The following NGEF variants were observed in gnomAD, a reference collection of about 807,000 sequenced individuals.
NGEF encodes the protein ephexin-1.
Under a neutral mutation model 80.9 loss-of-function variants are expected in NGEF, and 31 were observed. That is an observed-to-expected ratio of 0.38 (90% CI 0.29 to 0.52). The LOEUF is 0.52. NGEF is among the 20% of genes least tolerant of loss of function. The probability of loss-of-function intolerance (pLI) is 0.84; values close to 1 mark genes in which losing one functional copy is unlikely to be tolerated. For synonymous variants in NGEF, 371 were observed against 370.2 expected (o/e 1.00, Z -0.03); for missense variants, 709 against 926.2 (o/e 0.77, Z 3.04).
intron 1 of NGEF, among the ~76,000 whole-genome samples, chr2:232,981,243 G>A (rs992101961): frequency 6.2e-5 from 8 of 129,982 alleles, no homozygotes; most frequent in Non-Finnish European, 1.2e-4. Flanking sequence ...TAACCTTTAA[G>A]CTGTCCTTGT....
At chr2:232,942,098 C>T (rs946639615) in intron 3 of NGEF, among the ~76,000 whole-genome samples, 5 of 152,212 alleles carry the variant, frequency 3.3e-5, no homozygotes, top group African/African-American at 1.2e-4. Flanking sequence ...ACCACAAGCC[C>T]TTCCCTGCCC....
At chr2:232,917,482 T>TC (rs1179403309) in intron 5 of NGEF, among the ~76,000 whole-genome samples, 5 of 151,976 alleles carry the variant, frequency 3.3e-5, no homozygotes, top group Non-Finnish European at 7.4e-5. Context: ...CTTTTTTTTT[T>TC]TTTCTGAGAT....
At chr2:232,902,339 C>T (rs758207252) in intron 5 of NGEF, among the ~76,000 whole-genome samples, 10 of 152,212 alleles carry the variant, frequency 6.6e-5, no homozygotes, top group Non-Finnish European at 1.5e-4. Flanking sequence ...AGCCAGAGCC[C>T]GAGCCCAGCC....
At chr2:232,998,296 C>A (rs1009871179) in intron 1 of NGEF, among the ~76,000 whole-genome samples, 5 of 152,176 alleles carry the variant, frequency 3.3e-5, no homozygotes, top group African/African-American at 1.2e-4. Flanking sequence ...CAGGATCACA[C>A]AGCTGGTAAG....
chr2:233,001,840 C>T (rs1403854578), intron 1 of NGEF, among the ~76,000 whole-genome samples: 1 of 152,078 alleles, frequency 6.6e-6, no homozygotes, highest in Non-Finnish European at 1.5e-5. Context: ...CATGGTGAAA[C>T]CCTGTCTCTA....
chr2:232,993,155 A>ATAAATATATATATTTATT (rs1694692944), intron 1 of NGEF, among the ~76,000 whole-genome samples: 4 of 32,372 alleles, frequency 1.2e-4, no homozygotes, highest in South Asian at 1.9e-3. Context: ...ATATGGGCAA[A>ATAAATATATATATTTATT]TATATATATA....
At chr2:232,969,133 A>G (rs1322426097) in intron 3 of NGEF, among the ~76,000 whole-genome samples, 1 of 152,256 alleles carries the variant, frequency 6.6e-6, no homozygotes, top group Non-Finnish European at 1.5e-5. Flanking sequence ...ATAGGAGCAT[A>G]ATTAATAAAT....
rs540241052 is a variant in NGEF at position 232,887,212 on chromosome 2, C to T, written c.1347+821G>A. ...GCGTCACTGGCTCAATGGAGGTGCCCTAGCACAGCTGTCAAAAGCTGGCTC... is the reference window on the plus strand; with the variant it reads ...GCGTCACTGGCTCAATGGAGGTGCCTTAGCACAGCTGTCAAAAGCTGGCTC... On this transcript the variant is annotated intron_variant, in intron 9 of 14. Transcript: ENST00000264051. Among the ~76,000 whole-genome samples, 187 of 152,362 alleles carry T rather than the reference C, an allele frequency of 1.2e-3. 3 individuals carry two copies. The highest frequency in any genetic ancestry group is 4.4e-3 in the African/African-American group (185 of 41,580).
chr2:232,909,347 T>C (rs1276891259), intron 5 of NGEF, among the ~76,000 whole-genome samples: 1 of 152,206 alleles, frequency 6.6e-6, no homozygotes, highest in African/African-American at 2.4e-5. Flanking sequence ...ATCTAAATAT[T>C]AAACTATCTT....
chr2:232,969,641 T>A (rs1242958940), intron 3 of NGEF, among the ~76,000 whole-genome samples: 2 of 151,890 alleles, frequency 1.3e-5, no homozygotes, highest in South Asian at 2.1e-4. Flanking sequence ...CCCGAGTAGC[T>A]GGGATTACAG....
intron 3 of NGEF, chr2:232,928,240 GGGC>G: frequency 3.3e-6 from 3 of 909,044 alleles, no homozygotes; most frequent in Non-Finnish European, 3.9e-6. Context: ...GGGCGAGGCC[GGGC>G]GGCGGCGGGG....
chr2:233,005,424 G>A (rs1695064800), intron 1 of NGEF, among the ~76,000 whole-genome samples: 1 of 152,246 alleles, frequency 6.6e-6, no homozygotes. Context: ...GGAAGGTGAG[G>A]CTTTCCTGAC....
At chr2:232,949,476 CTCTT>C (rs1030888922) in intron 3 of NGEF, among the ~76,000 whole-genome samples, 1 of 136,372 alleles carries the variant, frequency 7.3e-6, no homozygotes, top group African/African-American at 2.5e-5. Context: ...TTTCTCTGCA[CTCTT>C]TCTTTTTTTT....
At chr2:232,931,623 A>T (rs1282104650) in intron 3 of NGEF, among the ~76,000 whole-genome samples, 1 of 152,214 alleles carries the variant, frequency 6.6e-6, no homozygotes, top group African/African-American at 2.4e-5. Context: ...GATGAGTGTG[A>T]GTGTGAAATA....
rs931821115 is a variant in NGEF at position 233,013,064 on chromosome 2, T to A, written c.-75+4A>T. On this transcript the variant is annotated splice_donor_region_variant and intron_variant, in intron 1 of 14. Transcript: ENST00000264051. ...TTTAAAAAATACCAAAACCATTCTC[T>A]CACCTGCCAGAGAGGAGCTCATAGG... 4.3e-6 allele frequency: 2 copies of A among 466,370 alleles called. No homozygotes were observed. 28.9% of individuals were successfully genotyped at this position (466,370 alleles called of 1,614,324 possible).
intron 3 of NGEF, chr2:232,927,808 G>T: frequency 1.1e-6 from 1 of 885,118 alleles, no homozygotes; most frequent in Non-Finnish European, 1.5e-6. Context: ...AGGCCGCGCA[G>T]GGGGTGCCCG....
intron 3 of NGEF, among the ~76,000 whole-genome samples, chr2:232,956,557 A>G (rs988579345): frequency 1.3e-5 from 2 of 152,148 alleles, no homozygotes; most frequent in Non-Finnish European, 2.9e-5. Flanking sequence ...ACCTGAGGTC[A>G]GGAGTTCGAG....
At chr2:232,891,685 C>T (rs1691889493) in intron 7 of NGEF, among the ~76,000 whole-genome samples, 198 bp from the exon 8 acceptor site, 1 of 152,234 alleles carries the variant, frequency 6.6e-6, no homozygotes, top group Non-Finnish European at 1.5e-5. Flanking sequence ...GCTTCACATG[C>T]CTGGCCTTGA....
Position 232,995,235 on chromosome 2 carries a change from TACA to T in NGEF, c.-75+17830_-75+17832del, listed in dbSNP as rs1694774982. Among the ~76,000 whole-genome samples the T allele has an allele frequency of 5.1e-5, 4 of 79,074 alleles. 2 individuals carry two copies. Among genetic ancestry groups the T allele is most frequent in the South Asian group, 1.5e-3 (2 of 1,352 alleles). 51.9% of individuals were successfully genotyped at this position (79,074 alleles called of 152,430 possible). On this transcript the variant is annotated intron_variant, in intron 1 of 14. Coordinates refer to ENST00000264051, the MANE Select transcript of NGEF (RefSeq NM_019850.3). ...ATATGTGTACAGTATGTATGCTGTGTACAGTATGTATACTGTATATGTGTACAG... is the reference window on the plus strand; with the variant it reads ...ATATGTGTACAGTATGTATGCTGTGTGTATGTATACTGTATATGTGTACAG...
Sources: gnomAD v4.1 joint callset for allele counts (sites outside exome capture counted in the v4.1 genomes callset) on GRCh38, gnomAD v4.1.1 for gene constraint, MANE v1.5 for transcripts, NCBI Gene and HGNC (gene_info 2026-07-23, HGNC 2026-07-21) for gene names.